MAP4: variants seen among roughly 807,000 people sequenced by gnomAD.
MAP4 encodes microtubule associated protein 4.
In MAP4, 76 loss-of-function variants were observed where a neutral mutation model predicts 170.2. The ratio of observed to expected loss-of-function variants is 0.45; its 90% confidence interval spans 0.37 to 0.54. The LOEUF is 0.54. Ranked by LOEUF, MAP4 falls within the 20% of genes least tolerant of loss-of-function variation. MAP4 has a pLI of 0.00. For missense variants in MAP4, 2,506 were observed against 2,748.0 expected (o/e 0.91, Z 1.97); for synonymous variants, 909 against 994.5 (o/e 0.91, Z 1.62).
At chr3:48,084,893 C>T (rs184121591) in intron 1 of MAP4, among the ~76,000 whole-genome samples, 29 of 151,988 alleles carry the variant, frequency 1.9e-4, no homozygotes, top group Middle Eastern at 3.4e-3. Context: ...TCCTCCGCCT[C>T]AGGCTCCCAA....
intron 1 of MAP4, among the ~76,000 whole-genome samples, chr3:48,060,052 C>A (rs1304465254): frequency 6.6e-6 from 1 of 151,722 alleles, no homozygotes; most frequent in African/African-American, 2.4e-5. Context: ...ATTTAATATA[C>A]ATGGGTTATT....
At chr3:47,918,680 G>C in intron 6 of MAP4, 39 bp downstream of exon 6, 1 of 1,529,994 alleles carries the variant, frequency 6.5e-7, no homozygotes, top group Non-Finnish European at 9.0e-7. Flanking sequence ...TACCAATACT[G>C]CAACCATTAA....
At chr3:47,984,697 A>G (rs1318163615) in intron 2 of MAP4, among the ~76,000 whole-genome samples, 1 of 151,860 alleles carries the variant, frequency 6.6e-6, no homozygotes, top group African/African-American at 2.4e-5. Context: ...CAAATTAACC[A>G]GGTGGCCAGG....
intron 2 of MAP4, among the ~76,000 whole-genome samples, chr3:47,984,170 T>A (rs1490356991): frequency 6.6e-6 from 1 of 152,136 alleles, no homozygotes; most frequent in African/African-American, 2.4e-5. Context: ...TTTTATTTTT[T>A]TTTTCTTTGT....
chr3:47,858,614 T>TGTGTGTGTGTGTGTGC (rs1491506129), intron 17 of MAP4, among the ~76,000 whole-genome samples: 35 of 138,510 alleles, frequency 2.5e-4, no homozygotes, highest in African/African-American at 9.0e-4. Flanking sequence ...TGTGTGTGTG[T>TGTGTGTGTGTGTGTGC]GCGCGTTGTG....
chr3:48,009,113 T>C (rs1579198884), intron 1 of MAP4, among the ~76,000 whole-genome samples: 1 of 152,118 alleles, frequency 6.6e-6, no homozygotes, highest in East Asian at 1.9e-4. Context: ...TTGTTGTTGT[T>C]GTTTTGAGAA....
rs55794111 is a variant in MAP4, at chr3:47,988,257, AT to A, written c.224-10325del. Among the ~76,000 whole-genome samples the A allele has an allele frequency of 4.0e-5, 6 of 149,880 alleles. No homozygotes were observed. In the South Asian group the frequency reaches 6.3e-4, roughly 16 times the overall value. On this transcript the variant is annotated intron_variant, in intron 2 of 20. Transcript: ENST00000683076. ...GAGATGGATGTGAGATTCAGACAGG[AT>A]TTTTTTTTTAATGATAAAAAAATTA...
chr3:47,896,731 T>C (rs1289950023), intron 10 of MAP4, among the ~76,000 whole-genome samples: 1 of 152,020 alleles, frequency 6.6e-6, no homozygotes, highest in African/African-American at 2.4e-5. Flanking sequence ...CCACTACTAC[T>C]CACAAGAAAC....
At chr3:47,936,113 GGT>G (rs2100052675) in intron 3 of MAP4, among the ~76,000 whole-genome samples, 1 of 151,432 alleles carries the variant, frequency 6.6e-6, no homozygotes, top group African/African-American at 2.4e-5. Flanking sequence ...GAAAGAGGAG[GGT>G]GGGAGAGAGA....
chr3:47,991,088 G>A (rs1161067400), intron 2 of MAP4, among the ~76,000 whole-genome samples: 1 of 152,132 alleles, frequency 6.6e-6, no homozygotes, highest in Non-Finnish European at 1.5e-5. Context: ...AATAAAGGTC[G>A]GGGGGTTCTT....
chr3:47,872,185 G>C, intron 12 of MAP4, 85 bp from the exon 13 acceptor site: 5 of 1,253,040 alleles, frequency 4.0e-6, no homozygotes, highest in Non-Finnish European at 5.5e-6. Context: ...TTTTTTGTTT[G>C]TTTTGTTTTG....
chr3:47,964,823 A>C (rs1475554697), intron 3 of MAP4, among the ~76,000 whole-genome samples: 1 of 152,214 alleles, frequency 6.6e-6, no homozygotes, highest in African/African-American at 2.4e-5. Context: ...GGTTAATTTG[A>C]AATTTTTTTC....
intron 4 of MAP4, among the ~76,000 whole-genome samples, chr3:47,923,722 G>A (rs562219230): frequency 6.6e-6 from 1 of 152,228 alleles, no homozygotes; most frequent in African/African-American, 2.4e-5. Flanking sequence ...AGGCTGAGGT[G>A]GGAGGATCAC....
intron 1 of MAP4, among the ~76,000 whole-genome samples, chr3:48,050,604 T>TA (rs58604865): frequency 0.038 from 5,371 of 139,574 alleles, 114 homozygotes; most frequent in African/African-American, 0.068. Context: ...ATCATAAACT[T>TA]AAAAAAAAAA....
chr3:47,912,334 G>C lies in MAP4; in HGVS notation c.2087C>G (p.Ala696Gly). The C allele has an allele frequency of 6.5e-7, 1 of 1,536,110 alleles. No homozygotes were observed. The highest frequency in any genetic ancestry group is 8.7e-7 in the Non-Finnish European group (1 of 1,146,876). The change falls in exon 9 of 21, where the codon GCC becomes GGC. Residue 696 changes from alanine (A) to glycine (G), a missense_variant. This residue lies in a region of MAP4 where 2,008 missense variants were observed against 2,206.0 expected (regional missense o/e 0.91). Coordinates refer to ENST00000683076, the MANE Select transcript of MAP4 (RefSeq NM_001385682.1). ...TCCCAGCAGCTCAGGAGGGACCCTGGCAGGCTTGGGCCGGGTTGACCTGCG... is the reference window on the plus strand; with the variant it reads ...TCCCAGCAGCTCAGGAGGGACCCTGCCAGGCTTGGGCCGGGTTGACCTGCG... ...SDRRSTRPKP[A>G]RVPPELLGGS...
chr3:47,952,518 A>T (rs1028660464), intron 3 of MAP4, among the ~76,000 whole-genome samples: 2 of 152,078 alleles, frequency 1.3e-5, no homozygotes, highest in Non-Finnish European at 2.9e-5. Flanking sequence ...TAGACATGGG[A>T]GACTTCATTT....
chr3:47,996,876 CAT>C (rs1350571080), intron 2 of MAP4, among the ~76,000 whole-genome samples: 1 of 151,818 alleles, frequency 6.6e-6, no homozygotes, highest in Non-Finnish European at 1.5e-5. Context: ...AGGTGGAAAA[CAT>C]AGGTGAACAG....
At chr3:48,042,560 G>A (rs756949234) in intron 1 of MAP4, among the ~76,000 whole-genome samples, 2 of 151,776 alleles carry the variant, frequency 1.3e-5, no homozygotes, top group Non-Finnish European at 2.9e-5. Context: ...ACCACAATGA[G>A]ATCCTACACC....
At chr3:47,955,625 T>C (rs1206093400) in intron 3 of MAP4, among the ~76,000 whole-genome samples, 3 of 152,132 alleles carry the variant, frequency 2.0e-5, no homozygotes, top group Non-Finnish European at 2.9e-5. Context: ...AGCAATGAAA[T>C]GTCAGGATTC....
Sources: gnomAD v4.1 joint callset for allele counts (sites outside exome capture counted in the v4.1 genomes callset) on GRCh38, gnomAD v4.1.1 for gene constraint, gnomAD v4.1.1 regional missense constraint, MANE v1.5 for transcripts, NCBI Gene and HGNC (gene_info 2026-07-23, HGNC 2026-07-21) for gene names.